HIPK3: variants seen among roughly 807,000 people sequenced by gnomAD.
HIPK3 encodes homeodomain interacting protein kinase 3, also known as homeodomain-interacting protein kinase 3.
Under a neutral mutation model 124.2 loss-of-function variants are expected in HIPK3, and 47 were observed. That is an observed-to-expected ratio of 0.38 (90% CI 0.30 to 0.48). The LOEUF is 0.48. Among genes scored for constraint, HIPK3 ranks in the 20% least tolerant of loss-of-function variants. The pLI, the probability that HIPK3 is intolerant of heterozygous loss-of-function variation, is 0.98. For missense variants in HIPK3, 1,286 were observed against 1,454.3 expected (o/e 0.88, Z 1.88); for synonymous variants, 482 against 515.2 (o/e 0.94, Z 0.87).
chr11:33,351,886 G>T, intron 15 of HIPK3, 43 bp downstream of exon 15: 3 of 1,486,442 alleles, frequency 2.0e-6, no homozygotes, highest in Non-Finnish European at 2.8e-6. Context: ...CTTTAAATAC[G>T]GTCTTAATTT....
At position 33,355,074 on chromosome 11, in the gene HIPK3, T is replaced by C. The variant is rs1217110772; in HGVS notation, c.*1506T>C. ...AATAAATTGTATCATTTATCTTGAA[T>C]GTATCATAGATAAGCTGCTATATAA... On this transcript the variant is annotated 3_prime_UTR_variant, in exon 17 of 17. Coordinates refer to ENST00000303296, the MANE Select transcript of HIPK3 (RefSeq NM_005734.5). 6.6e-6 allele frequency: 1 copy of C among 152,124 alleles called. No homozygotes were observed. The highest frequency in any genetic ancestry group is 1.5e-5 in the Non-Finnish European group (1 of 67,950). 9.4% of individuals were successfully genotyped at this position (152,124 alleles called of 1,614,324 possible).
intron 2 of HIPK3, among the ~76,000 whole-genome samples, chr11:33,289,059 C>T (rs1565066090): frequency 6.6e-6 from 1 of 152,166 alleles, no homozygotes; most frequent in African/African-American, 2.4e-5. Context: ...TTAATTAACT[C>T]TTACACAAAT....
At chr11:33,336,537 T>C (rs1236964300) in intron 3 of HIPK3, among the ~76,000 whole-genome samples, 1 of 152,222 alleles carries the variant, frequency 6.6e-6, no homozygotes, top group Non-Finnish European at 1.5e-5. Flanking sequence ...GACATTTCTT[T>C]AAAATGTAAG....
Position 33,348,233 on chromosome 11 carries a change from G to A in HIPK3, c.2369+5G>A. 1 of 1,612,304 alleles carries A rather than the reference G, an allele frequency of 6.2e-7. No individual in the cohort carries two copies. Among genetic ancestry groups the A allele is most frequent in the Admixed American group, 1.7e-5 (1 of 59,944 alleles). On this transcript the variant is annotated splice_donor_5th_base_variant and intron_variant, in intron 12 of 16. Coordinates refer to ENST00000303296, the MANE Select transcript of HIPK3 (RefSeq NM_005734.5). ...GGAAATAAATGCTTTCAGTTGGTAA[G>A]ATTGTCTTTATTGCCCTTTTGATTT...
At chr11:33,310,790 A>G (rs1003567661) in intron 2 of HIPK3, among the ~76,000 whole-genome samples, 12 of 152,248 alleles carry the variant, frequency 7.9e-5, no homozygotes, top group South Asian at 2.1e-4. Flanking sequence ...GTGAGTCTAC[A>G]TGAAATCTTC....
chr11:33,341,290 T>C (rs567296668), intron 7 of HIPK3, among the ~76,000 whole-genome samples, 163 bp downstream of exon 7: 7 of 152,318 alleles, frequency 4.6e-5, no homozygotes, highest in Non-Finnish European at 1.0e-4. Context: ...AAGGTAATAA[T>C]TGGAACATAT....
chr11:33,351,654 T>C lies in HIPK3; in HGVS notation c.2854T>C (p.Ser952Pro). 6.2e-7 allele frequency: 1 copy of C among 1,614,210 alleles called. No individual in the cohort carries two copies. The highest frequency in any genetic ancestry group is 8.5e-7 in the Non-Finnish European group (1 of 1,180,020). ...QESSCDTVDG[S>P]PTSDSSGHDS... ...AAGTAGTTGTGATACGGTGGATGGC[T>C]CTCCGACATCTGACTCTTCCGGGCA... Residue 952 changes from serine (S) to proline (P), a missense_variant, in exon 15 of 17, where the codon TCT (serine) becomes CCT (proline). Transcript: ENST00000303296.
At chr11:33,343,566 C>T (rs193193726) in intron 8 of HIPK3, among the ~76,000 whole-genome samples, 111 of 152,264 alleles carry the variant, frequency 7.3e-4, no homozygotes, top group African/African-American at 2.5e-3. Flanking sequence ...AGTCATTAGC[C>T]GCTGCGCCCA....
chr11:33,331,535 C>A (rs1192218488), intron 3 of HIPK3, among the ~76,000 whole-genome samples: 1 of 152,112 alleles, frequency 6.6e-6, no homozygotes, highest in African/African-American at 2.4e-5. Context: ...ACCAGCATGC[C>A]TGACTCATTT....
At chr11:33,301,669 AG>A (rs1852003000) in intron 2 of HIPK3, among the ~76,000 whole-genome samples, 1 of 151,144 alleles carries the variant, frequency 6.6e-6, no homozygotes, top group South Asian at 2.1e-4. Context: ...CTGTAATCTC[AG>A]CTACCTGGGA....
intron 1 of HIPK3, among the ~76,000 whole-genome samples, chr11:33,284,452 T>C (rs766854645): frequency 6.6e-6 from 1 of 152,214 alleles, no homozygotes; most frequent in Non-Finnish European, 1.5e-5. Context: ...AGCAAGAAGA[T>C]ATTATTTTAC....
In HIPK3 at chr11:33,287,509, C is replaced by T. The variant is rs1274319508; in HGVS notation, c.1095C>T (p.Tyr365=). The T allele has an allele frequency of 3.7e-6, 6 of 1,604,188 alleles. No individual in the cohort carries two copies. In the South Asian group the frequency reaches 5.6e-5, roughly 15 times the overall value. ...VCSTYLQSRY[Y]RAPEIILGLP... ...CAACATATCTACAATCTCGGTACTA[C>T]AGGTAGGTAACAACTCCATACTTTT... Residue 365 remains tyrosine, a splice_region_variant and synonymous_variant, in exon 2 of 17, where the codon TAC becomes TAT. Transcript: ENST00000303296.
At chr11:33,319,108 G>C (rs1027743961) in intron 2 of HIPK3, among the ~76,000 whole-genome samples, 2 of 152,324 alleles carry the variant, frequency 1.3e-5, no homozygotes, top group African/African-American at 4.8e-5. Flanking sequence ...TGGATTGGCT[G>C]TACTCAACCC....
At chr11:33,319,769 AGAATTAAAGTTCTTGCCCCCATG>A (rs1565083754) in intron 2 of HIPK3, among the ~76,000 whole-genome samples, 1 of 152,352 alleles carries the variant, frequency 6.6e-6, no homozygotes, top group East Asian at 1.9e-4. Context: ...TAGCATTAAA[AGAATTAAAGTTCTTGCCCCCATG>A]GAATTTATGT....
chr11:33,265,776 A>AC (rs1850940050), intron 1 of HIPK3, among the ~76,000 whole-genome samples: 2 of 134,566 alleles, frequency 1.5e-5, no homozygotes, highest in South Asian at 4.7e-4. Context: ...TTGTCTCAAA[A>AC]AAAAAAAAAA....
intron 8 of HIPK3, among the ~76,000 whole-genome samples, chr11:33,346,526 A>T (rs1446002684): frequency 6.6e-6 from 1 of 152,182 alleles, no homozygotes; most frequent in Non-Finnish European, 1.5e-5. Flanking sequence ...TGGTGACAGG[A>T]GCATAAGATT....
At chr11:33,341,236 T>A in intron 7 of HIPK3, 109 bp downstream of exon 7, 1 of 740,590 alleles carries the variant, frequency 1.4e-6, no homozygotes, top group Non-Finnish European at 2.1e-6. Context: ...TACAGTGCTG[T>A]GAGGTCTTAC....
At chr11:33,319,404 G>A (rs1852598062) in intron 2 of HIPK3, among the ~76,000 whole-genome samples, 2 of 151,740 alleles carry the variant, frequency 1.3e-5, no homozygotes, top group South Asian at 4.2e-4. Flanking sequence ...GCTGAGGCAG[G>A]AGAATTGCTT....
At position 33,354,903 on chromosome 11, in the gene HIPK3, T is replaced by C. The variant is rs921069104; in HGVS notation, c.*1335T>C. 6.6e-6 allele frequency: 1 copy of C among 151,988 alleles called. No homozygotes were observed. The highest frequency in any genetic ancestry group is 1.5e-5 in the Non-Finnish European group (1 of 67,946). 9.4% of individuals were successfully genotyped at this position (151,988 alleles called of 1,614,324 possible). ...AGTGGTTATGTCTGTTTAAATGAAG[T>C]TGCTTTTACAGCACCAAAGACTTAA... is the stretch of plus-strand genomic sequence containing the variant. On this transcript the variant is annotated 3_prime_UTR_variant, in exon 17 of 17. Transcript: ENST00000303296.
Sources: allele counts gnomAD v4.1 joint callset (sites outside exome capture counted in the v4.1 genomes callset), GRCh38; gene constraint gnomAD v4.1.1; transcripts MANE v1.5; gene names NCBI Gene and HGNC (gene_info 2026-07-23, HGNC 2026-07-21).